The following DPPA3 variants were observed in gnomAD, a reference collection of about 807,000 sequenced individuals.
DPPA3 encodes developmental pluripotency-associated protein 3.
In DPPA3, 9 loss-of-function variants were observed where a neutral mutation model predicts 15.6. The ratio of observed to expected loss-of-function variants is 0.58; its 90% CI spans 0.35 to 1.01. The LOEUF is 1.01. Ranked by LOEUF, DPPA3 falls within the 50% of genes least tolerant of loss-of-function variation. DPPA3 has a pLI of 0.02. For synonymous variants in DPPA3, 61 were observed against 70.9 expected, an observed-to-expected ratio of 0.86 and a Z score of 0.70; for missense variants, 148 against 194.6, an observed-to-expected ratio of 0.76 and a Z score of 1.42.
At chr12:7,711,758 CTT>C (rs1240884622) in intron 1 of DPPA3, 106 bp downstream of exon 1, 1 of 860,508 alleles carries the variant, frequency 1.2e-6, no homozygotes, top group African/African-American at 2.4e-5. Flanking sequence ...TTAATGTTGA[CTT>C]CAGTCTTTGC....
intron 1 of DPPA3, among the ~76,000 whole-genome samples, chr12:7,713,391 T>A (rs1031277102): frequency 3.3e-5 from 5 of 152,176 alleles, no homozygotes; most frequent in African/African-American, 1.2e-4. Context: ...CCTTAGTACC[T>A]CACAGTTCCA....
At chr12:7,716,454 G>T (rs1344875998) in intron 3 of DPPA3, among the ~76,000 whole-genome samples, 1 of 151,892 alleles carries the variant, frequency 6.6e-6, no homozygotes, top group Admixed American at 6.6e-5. Flanking sequence ...TATGTTCATA[G>T]CCTTTCCCCC....
chr12:7,711,747 TTTAA>T (rs1864347226), intron 1 of DPPA3, 95 bp downstream of exon 1: 1 of 844,762 alleles, frequency 1.2e-6, no homozygotes, highest in African/African-American at 1.9e-5. Context: ...TTTTTTTTTT[TTTAA>T]TGTTGACTTC....
At chr12:7,713,616 AT>A (rs1218585957) in intron 1 of DPPA3, among the ~76,000 whole-genome samples, 1 of 152,204 alleles carries the variant, frequency 6.6e-6, no homozygotes, top group African/African-American at 2.4e-5. Flanking sequence ...TGAGTGGTTG[AT>A]TTCCCAAAAT....
In DPPA3 at chr12:7,716,239, G is replaced by C. The variant is rs553079854; in HGVS notation, c.369G>C (p.Lys123Asn). 8 of 1,579,712 alleles carry C rather than the reference G, an allele frequency of 5.1e-6. No individual in the cohort carries two copies. In the African/African-American group the frequency reaches 9.6e-5, roughly 19 times the overall value. ...CAAACAAGGAGCCTAAGGGAGTTAA[G>C]GTAAGTATAATTTTTTTCTTTTTAT... Reference protein sequence around the residue: ...RPTNKEPKGVKKESRPFKCPC... With the variant: ...RPTNKEPKGVNKESRPFKCPC... The change falls in exon 3 of 4, where the codon AAG (lysine) becomes AAC (asparagine). Residue 123 changes from lysine (K) to asparagine (N), a missense_variant and splice_region_variant. Physicochemically the swap from Lys to Asn is moderately conservative, Grantham distance 94 (BLOSUM62 0). Transcript: ENST00000345088.
chr12:7,715,256 T>C lies in DPPA3; in HGVS notation c.156T>C (p.Ser52=), dbSNP rs1864385283. Residue 52 remains serine, a synonymous_variant, in exon 2 of 4, where the codon TCT becomes TCC. Coordinates refer to ENST00000345088, the MANE Select transcript of DPPA3 (RefSeq NM_199286.4). ...TGACTATCAACGCTAGTAGCGAATCTGTTTCCCCTCTATCGGAAGCTTTAC... is the reference window on the plus strand; with the variant it reads ...TGACTATCAACGCTAGTAGCGAATCCGTTTCCCCTCTATCGGAAGCTTTAC... ...SNLTINASSE[S]VSPLSEALLR... is the part of the protein sequence containing the mutation. 6.2e-7 allele frequency: 1 copy of C among 1,613,922 alleles called. No individual in the cohort carries two copies. The highest frequency in any genetic ancestry group is 1.1e-5 in the South Asian group (1 of 91,062).
At chr12:7,713,684 T>C (rs1864369423) in intron 1 of DPPA3, among the ~76,000 whole-genome samples, 1 of 152,308 alleles carries the variant, frequency 6.6e-6, no homozygotes, top group Admixed American at 6.5e-5. Flanking sequence ...AAATTAGGGC[T>C]AACTGGAGAG....
intron 3 of DPPA3, among the ~76,000 whole-genome samples, chr12:7,716,525 C>T (rs770921623): frequency 7.1e-4 from 108 of 152,306 alleles, no homozygotes; most frequent in Admixed American, 7.1e-3. Flanking sequence ...CACTTTGCAG[C>T]TGATGAACTT....
intron 1 of DPPA3, among the ~76,000 whole-genome samples, chr12:7,711,968 T>G (rs929771432): frequency 6.8e-6 from 1 of 147,866 alleles, no homozygotes; most frequent in Non-Finnish European, 1.5e-5. Context: ...CAGGCTGGAG[T>G]GCAGTGGCGC....
At chr12:7,712,870 G>A (rs974861690) in intron 1 of DPPA3, among the ~76,000 whole-genome samples, 3 of 152,074 alleles carry the variant, frequency 2.0e-5, no homozygotes, top group Non-Finnish European at 4.4e-5. Context: ...CACCGAGTCC[G>A]GGCTCTAAGC....
At position 7,715,427 on chromosome 12, in the gene DPPA3, G is replaced by A. The variant is rs770300091; in HGVS notation, c.327G>A (p.Thr109=). ...LRYMLLGGVR[T]HERRPTNKEP... ...ACATGTTACTCGGCGGAGTTCGTAC[G>A]GTATGTTGATGTGATGTGGCCGGGG... Residue 109 remains threonine (T), a splice_region_variant and synonymous_variant, in exon 2 of 4, where the codon ACG becomes ACA. Transcript: ENST00000345088. 7.4e-6 allele frequency: 12 copies of A among 1,613,784 alleles called. No homozygotes were observed. The highest frequency in any genetic ancestry group is 9.3e-6 in the Non-Finnish European group (11 of 1,179,936).
chr12:7,716,245 T>G lies in DPPA3; in HGVS notation c.369+6T>G. On this transcript the variant is annotated splice_donor_region_variant and intron_variant, in intron 3 of 3. Coordinates refer to ENST00000345088, the MANE Select transcript of DPPA3 (RefSeq NM_199286.4). Reference sequence around the variant, plus strand: ...AGGAGCCTAAGGGAGTTAAGGTAAGTATAATTTTTTTCTTTTTATTTTCCT... The same window carrying G: ...AGGAGCCTAAGGGAGTTAAGGTAAGGATAATTTTTTTCTTTTTATTTTCCT... 6.4e-7 allele frequency: 1 copy of G among 1,565,594 alleles called. No homozygotes were observed. Among genetic ancestry groups the G allele is most frequent in the Non-Finnish European group, 8.6e-7 (1 of 1,161,380 alleles).
In DPPA3 at chr12:7,716,235, TTAAGG is replaced by T. The variant is rs759229149; in HGVS notation, c.369+1_369+5del. The T allele has an allele frequency of 4.9e-5, 78 of 1,587,566 alleles. 1 individual carries two copies. In the East Asian group the frequency reaches 1.0e-3, roughly 21 times the overall value. On this transcript the variant is annotated splice_donor_variant and coding_sequence_variant, in exon 3 of 4. Transcript: ENST00000345088. LOFTEE classifies it high-confidence loss of function. ...CCAACAAACAAGGAGCCTAAGGGAG[TTAAGG>T]TAAGTATAATTTTTTTCTTTTTATT...
intron 1 of DPPA3, among the ~76,000 whole-genome samples, chr12:7,712,078 T>G (rs75977099): frequency 0.27 from 153 of 576 alleles, 52 homozygotes; most frequent in Middle Eastern, 0.5. Context: ...ACCGCGCCCG[T>G]TTTTTTTTTT....
intron 1 of DPPA3, among the ~76,000 whole-genome samples, chr12:7,711,895 A>G (rs1592080285): frequency 1.3e-5 from 2 of 149,304 alleles, no homozygotes; most frequent in Admixed American, 1.3e-4. Context: ...GCTTAGGAGT[A>G]CTTCAGATTT....
intron 2 of DPPA3, 78 bp downstream of exon 2, chr12:7,715,505 C>G: frequency 6.2e-7 from 1 of 1,603,068 alleles, no homozygotes; most frequent in Non-Finnish European, 8.5e-7. Flanking sequence ...TTAAGACTCC[C>G]TAGCTCTAGG....
chr12:7,712,912 T>C (rs1864360320), intron 1 of DPPA3, among the ~76,000 whole-genome samples: 1 of 152,010 alleles, frequency 6.6e-6, no homozygotes, highest in East Asian at 1.9e-4. Flanking sequence ...TCCAGCTAAA[T>C]GTTAATAAAC....
rs974645509 is a variant in DPPA3 at position 7,714,814 on chromosome 12, A to G, written c.83-369A>G. On this transcript the variant is annotated intron_variant, in intron 1 of 3. Transcript: ENST00000345088. ...TGCAAGCTCCACCTCCTGGGTTCAC[A>G]CCATTCTCCTGCCTCAGCCTCCCAA... Among the ~76,000 whole-genome samples, 247 of 151,348 alleles carry G rather than the reference A, an allele frequency of 1.6e-3. 3 individuals carry two copies. Among genetic ancestry groups the G allele is most frequent in the African/African-American group, 5.7e-3 (237 of 41,258 alleles).
chr12:7,715,612 A>AT (rs1403964527), intron 2 of DPPA3, among the ~76,000 whole-genome samples, 185 bp downstream of exon 2: 4 of 151,990 alleles, frequency 2.6e-5, no homozygotes. Context: ...CCTGGCCAAC[A>AT]TGGTGAAACC....
Sources: gnomAD v4.1 joint callset for allele counts (sites outside exome capture counted in the v4.1 genomes callset) on GRCh38, gnomAD v4.1.1 for gene constraint, MANE v1.5 for transcripts, NCBI Gene and HGNC (gene_info 2026-07-23, HGNC 2026-07-21) for gene names.